The following SEPTIN8 variants were observed in gnomAD, a reference collection of about 807,000 sequenced individuals.
SEPTIN8 encodes the protein septin 8.
In SEPTIN8, 22 loss-of-function variants were observed where a neutral mutation model predicts 53.1. The ratio of observed to expected loss-of-function variants is 0.41; its 90% CI spans 0.30 to 0.59. SEPTIN8 has a LOEUF of 0.59. Among genes scored for constraint, SEPTIN8 ranks in the 20% least tolerant of loss-of-function variants. The pLI is 0.24. For synonymous variants in SEPTIN8, 228 were observed against 248.4 expected (o/e 0.92, Z 0.77); for missense variants, 536 against 638.7 (o/e 0.84, Z 1.73).
Position 132,776,601 on chromosome 5 carries a change from G to T in SEPTIN8, c.30+507C>A, listed in dbSNP as rs1012629574. 2.0e-5 allele frequency among the ~76,000 whole-genome samples: 3 copies of T among 152,192 alleles called. No homozygotes were observed. Among genetic ancestry groups the T allele is most frequent in the Admixed American group, 2.0e-4 (3 of 15,288 alleles). On this transcript the variant is annotated intron_variant, in intron 1 of 9. Coordinates refer to ENST00000378719, the MANE Select transcript of SEPTIN8 (RefSeq NM_001098811.2). The surrounding 1 kb of genome is among the most constrained non-coding windows in gnomAD (Gnocchi z 4.4). ...GGAGCGGGGGAGGAAGGAAAAGCAGGCCAAGGGTCTTCAGGACTCAAGTCT... is the reference window on the plus strand; with the variant it reads ...GGAGCGGGGGAGGAAGGAAAAGCAGTCCAAGGGTCTTCAGGACTCAAGTCT...
In SEPTIN8 at chr5:132,751,996, C is replaced by T; in HGVS notation, c.*20G>A. On this transcript the variant is annotated 3_prime_UTR_variant, in exon 10 of 10. Transcript: ENST00000378719. ...TGCCCTGGTGGTCCTGAGCTGGCCCCATGTGTTGGAGCTGCTGCCTCAGAG... is the reference window on the plus strand; with the variant it reads ...TGCCCTGGTGGTCCTGAGCTGGCCCTATGTGTTGGAGCTGCTGCCTCAGAG... 6.2e-7 allele frequency: 1 copy of T among 1,612,074 alleles called. No individual in the cohort carries two copies. The highest frequency in any genetic ancestry group is 8.5e-7 in the Non-Finnish European group (1 of 1,179,344).
At position 132,751,722 on chromosome 5, in the gene SEPTIN8, C is replaced by G. The variant is rs1754856247; in HGVS notation, c.*294G>C. On this transcript the variant is annotated 3_prime_UTR_variant, in exon 10 of 10. Transcript: ENST00000378719. ...GGAAACATTGTCATCTAGGTACTTT[C>G]CGCTCATAACGATGATGTCACAAAG... 1 of 576,672 alleles carries G rather than the reference C, an allele frequency of 1.7e-6. No individual in the cohort carries two copies. Among genetic ancestry groups the G allele is most frequent in the Non-Finnish European group, 3.0e-6 (1 of 327,920 alleles). The allele number at this position is 576,672 out of a possible 1,614,324, so 35.7% of individuals were successfully genotyped here. A position where few individuals can be genotyped will look rare whatever the true frequency, so the allele number is the denominator to read the frequency against.
At chr5:132,762,174 C>T (rs1450739273) in intron 5 of SEPTIN8, among the ~76,000 whole-genome samples, 1 of 152,204 alleles carries the variant, frequency 6.6e-6, no homozygotes, top group Non-Finnish European at 1.5e-5. Flanking sequence ...CTGAAAGGAC[C>T]TGTGAGCCTG....
rs759907297 is a variant in SEPTIN8, at chr5:132,752,036, A to ACGT, written c.1429_1431dup (p.Thr477dup). The ACGT allele has an allele frequency of 4.3e-6, 7 of 1,611,624 alleles. No homozygotes were observed. Among genetic ancestry groups the ACGT allele is most frequent in the Non-Finnish European group, 5.9e-6 (7 of 1,179,130 alleles). On this transcript the variant is annotated inframe_insertion, in exon 10 of 10. Transcript: ENST00000378719. ...CTGCCTCAGAGGAATCCTTCCCTCC[A>ACGT]CGTCGCATCCCTGACCAGGCAGCTG...
At position 132,754,133 on chromosome 5, in the gene SEPTIN8, C is replaced by CT. The variant is rs141037709; in HGVS notation, c.1287-1953dup. ...CTTGACACACTTTTGCTTGTTGGTG[C>CT]TTTCGTTAAAATTACACTTTAATTG... On this transcript the variant is annotated intron_variant, in intron 9 of 9. Transcript: ENST00000378719. 8.5e-3 allele frequency: 3,223 copies of CT among 379,774 alleles called. 29 individuals are homozygous for CT. The highest frequency in any genetic ancestry group is 0.012 in the Non-Finnish European group (2,424 of 207,446). 23.5% of individuals were successfully genotyped at this position (379,774 alleles called of 1,614,324 possible). A position where few individuals can be genotyped will look rare whatever the true frequency, so the allele number is the denominator to read the frequency against.
At position 132,761,160 on chromosome 5, in the gene SEPTIN8, C is replaced by T. The variant is rs1285915155; in HGVS notation, c.1068G>A (p.Glu356=). Reference sequence around the variant, plus strand: ...CCCTTTCCTTCTCCTTCAGCTCCAGCTCTGTCTCCTTCACTTTGTTGACAA... The same window carrying T: ...CCCTTTCCTTCTCCTTCAGCTCCAGTTCTGTCTCCTTCACTTTGTTGACAA... ...QMFVNKVKET[E]LELKEKEREL... is the part of the protein sequence containing the mutation. Residue 356 remains glutamate, a synonymous_variant, in exon 8 of 10, where the codon GAG becomes GAA. Transcript: ENST00000378719. This position sits in a 1 kb window ranked among gnomAD's most constrained non-coding sequence, Gnocchi z 5.8. 6.2e-7 allele frequency: 1 copy of T among 1,614,246 alleles called. No individual in the cohort carries two copies. The highest frequency in any genetic ancestry group is 2.2e-5 in the East Asian group (1 of 44,888).
chr5:132,770,101 GTATATATGTATATATATATATA>G (rs1757132592), intron 1 of SEPTIN8, among the ~76,000 whole-genome samples: 10 of 19,746 alleles, frequency 5.1e-4, no homozygotes, highest in African/African-American at 2.3e-3. Context: ...ATATATATAT[GTATATATGTATATATATATATA>G]TGTATATATG....
chr5:132,772,626 G>A lies in SEPTIN8; in HGVS notation c.30+4482C>T, dbSNP rs571732096. Among the ~76,000 whole-genome samples, 14 of 152,328 alleles carry A rather than the reference G, an allele frequency of 9.2e-5. No homozygotes were observed. In the East Asian group the frequency reaches 2.7e-3, roughly 29 times the overall value. ...GAGGGAGAATGTGGGCAGCAAAGGT[G>A]CCCCGCCTTCTGTCCAACCCCACGA... On this transcript the variant is annotated intron_variant, in intron 1 of 9. Transcript: ENST00000378719.
chr5:132,777,579 C>T (rs994512069), upstream of SEPTIN8: 8 of 979,256 alleles, frequency 8.2e-6, no homozygotes, highest in African/African-American at 1.2e-4. The surrounding 1 kb of genome is among the most constrained non-coding windows in gnomAD (Gnocchi z 4.1). Flanking sequence ...AAGCCTTTCC[C>T]GTAAGGGGGA....
chr5:132,773,625 G>A lies in SEPTIN8; in HGVS notation c.30+3483C>T, dbSNP rs1047308532. Among the ~76,000 whole-genome samples the A allele has an allele frequency of 3.3e-5, 5 of 152,138 alleles. No homozygotes were observed. On this transcript the variant is annotated intron_variant, in intron 1 of 9. Transcript: ENST00000378719. This position sits in a 1 kb window ranked among gnomAD's most constrained non-coding sequence, Gnocchi z 4.2. The stretch of plus-strand genomic sequence containing the variant: ...GCTGTTGGCATCAACAAGATAATGC[G>A]CTCAAAGCACCCACTGCCCTCCTTG...
upstream of SEPTIN8, among the ~76,000 whole-genome samples, chr5:132,779,072 G>GC (rs1757990432): frequency 6.6e-6 from 1 of 152,216 alleles, no homozygotes; most frequent in African/African-American, 2.4e-5. Context: ...AAAGCTCAGA[G>GC]TACAGGTGAC....
upstream of SEPTIN8, chr5:132,777,694 C>T (rs534620341): frequency 2.2e-5 from 22 of 985,550 alleles, no homozygotes; most frequent in African/African-American, 3.8e-4. This position sits in a 1 kb window ranked among gnomAD's most constrained non-coding sequence, Gnocchi z 4.1. Flanking sequence ...GGACAAGCTG[C>T]GGGAGACCCG....
At chr5:132,765,656 C>G in intron 1 of SEPTIN8, 127 bp from the exon 2 acceptor site, 2 of 1,174,858 alleles carry the variant, frequency 1.7e-6, no homozygotes, top group South Asian at 3.0e-5. Context: ...CTCAACAAAT[C>G]TCAGACACAC....
chr5:132,763,377 T>C (rs535294333), intron 4 of SEPTIN8, among the ~76,000 whole-genome samples: 2 of 152,132 alleles, frequency 1.3e-5, no homozygotes, highest in East Asian at 3.9e-4. Context: ...GAGAAGAGGC[T>C]GAGATGGGAA....
In SEPTIN8 at chr5:132,761,481, G is replaced by C. The variant is rs370048462; in HGVS notation, c.939C>G (p.Ser313Arg). ...ACCTGAAGGGCTGGCTGTCACCATC[G>C]CTGTCCTGAAAGCCCATCTCCTCCA... is the stretch of plus-strand genomic sequence containing the variant. The part of the protein sequence containing the change: ...CKLEEMGFQD[S>R]DGDSQPFSLQ... Residue 313 changes from serine to arginine, a missense_variant, in exon 7 of 10, where the codon AGC (serine) becomes AGG (arginine). Ser to Arg is a moderately radical substitution (Grantham distance 110). Coordinates refer to ENST00000378719, the MANE Select transcript of SEPTIN8 (RefSeq NM_001098811.2). This position sits in a 1 kb window ranked among gnomAD's most constrained non-coding sequence, Gnocchi z 5.8. 5.8e-5 allele frequency: 93 copies of C among 1,612,388 alleles called. No homozygotes were observed. The highest frequency in any genetic ancestry group is 7.4e-5 in the Non-Finnish European group (87 of 1,179,792).
chr5:132,767,021 G>T (rs1756669552), intron 1 of SEPTIN8, among the ~76,000 whole-genome samples: 4 of 152,172 alleles, frequency 2.6e-5, no homozygotes, highest in African/African-American at 9.7e-5. Flanking sequence ...CCTCTGGGCA[G>T]TTGTACCATC....
rs736478 is a variant in SEPTIN8, at chr5:132,761,359, G to A, written c.963-94C>T. 16 of 1,589,338 alleles carry A rather than the reference G, an allele frequency of 1.0e-5. No individual in the cohort carries two copies. The highest frequency in any genetic ancestry group is 4.5e-5 in the South Asian group (4 of 89,284). On this transcript the variant is annotated intron_variant, in intron 7 of 9. Coordinates refer to ENST00000378719, the MANE Select transcript of SEPTIN8 (RefSeq NM_001098811.2). This position sits in a 1 kb window ranked among gnomAD's most constrained non-coding sequence, Gnocchi z 5.8. Reference sequence around the variant, plus strand: ...CAGAGAAGTAGAATCATGTGGGCACGAGGGGTAAGAGGATGTGGGGTCCCT... The same window carrying A: ...CAGAGAAGTAGAATCATGTGGGCACAAGGGGTAAGAGGATGTGGGGTCCCT...
Position 132,758,634 on chromosome 5 carries a change from G to A in SEPTIN8, c.1286+2168C>T, listed in dbSNP as rs559262204. On this transcript the variant is annotated intron_variant, in intron 9 of 9. Coordinates refer to ENST00000378719, the MANE Select transcript of SEPTIN8 (RefSeq NM_001098811.2). The stretch of plus-strand genomic sequence containing the variant: ...GTGTTTGCATAGAGAGGGGTGGCCC[G>A]CCAGGCCCGGGGCAGCCTGGGGCCA... The A allele has an allele frequency of 2.0e-5, 32 of 1,593,082 alleles. No homozygotes were observed. In the Admixed American group the frequency reaches 2.6e-4, roughly 13 times the overall value.
At chr5:132,775,363 C>T (rs1274832375) in intron 1 of SEPTIN8, among the ~76,000 whole-genome samples, 1 of 152,236 alleles carries the variant, frequency 6.6e-6, no homozygotes, top group Non-Finnish European at 1.5e-5. Context: ...CCAGTCCTCA[C>T]ATCCACGTGG....
Sources: allele counts gnomAD v4.1 joint callset (sites outside exome capture counted in the v4.1 genomes callset), GRCh38; gene constraint gnomAD v4.1.1; non-coding constraint Gnocchi (gnomAD v3.1); transcripts MANE v1.5; gene names NCBI Gene and HGNC (gene_info 2026-07-23, HGNC 2026-07-21).